The following DPP10 variants were observed in gnomAD, a reference collection of about 807,000 sequenced individuals.
DPP10 encodes the protein inactive dipeptidyl peptidase 10.
In DPP10, 33 loss-of-function variants were observed where a neutral mutation model predicts 120.9. That is an observed-to-expected ratio of 0.27 (90% CI 0.21 to 0.37). The LOEUF is 0.37. Ranked by LOEUF, DPP10 falls within the 10% of genes least tolerant of loss-of-function variation. DPP10 has a pLI of 1.00. For missense variants in DPP10, 816 were observed against 942.8 expected (o/e 0.87, Z 1.76); for synonymous variants, 337 against 326.1 (o/e 1.03, Z -0.36).
chr2:114,564,516 A>T (rs1368790819), intron 1 of DPP10, among the ~76,000 whole-genome samples: 1 of 152,182 alleles, frequency 6.6e-6, no homozygotes, highest in South Asian at 2.1e-4. Flanking sequence ...ATATTCCATG[A>T]TATAAGGTAC....
In DPP10 at chr2:114,929,735, G is replaced by T. The variant is rs112596140; in HGVS notation, c.61-379504G>T. ...CGCAATCATCACAGGGTCCTGAGGCGACATACATCTTCAGCTTACGAAGAT... is the reference window on the plus strand; with the variant it reads ...CGCAATCATCACAGGGTCCTGAGGCTACATACATCTTCAGCTTACGAAGAT... On this transcript the variant is annotated intron_variant, in intron 1 of 25. Transcript: ENST00000410059. 3.3e-5 allele frequency among the ~76,000 whole-genome samples: 5 copies of T among 152,156 alleles called. No homozygotes were observed. The East Asian group carries it at 9.7e-4, about 29-fold the overall frequency.
chr2:115,661,489 T>C (rs917866519), intron 5 of DPP10, among the ~76,000 whole-genome samples: 1 of 152,206 alleles, frequency 6.6e-6, no homozygotes, highest in African/African-American at 2.4e-5. Flanking sequence ...GATATTTTGT[T>C]TTCGCTGGCA....
At chr2:115,256,223 G>A (rs896563009) in intron 1 of DPP10, among the ~76,000 whole-genome samples, 2 of 152,096 alleles carry the variant, frequency 1.3e-5, no homozygotes, top group Admixed American at 1.3e-4. Flanking sequence ...GAAGTGCCAA[G>A]CAAAAGGGGG....
At chr2:114,522,174 C>T (rs527875891) in intron 1 of DPP10, among the ~76,000 whole-genome samples, 42 of 150,872 alleles carry the variant, frequency 2.8e-4, no homozygotes, top group East Asian at 2.2e-3. Flanking sequence ...TTAGTAGAGA[C>T]GGGGTTTCAC....
intron 1 of DPP10, among the ~76,000 whole-genome samples, chr2:114,936,353 G>A (rs1696465671): frequency 6.6e-6 from 1 of 150,970 alleles, no homozygotes; most frequent in Non-Finnish European, 1.5e-5. Flanking sequence ...GTTCGATAGT[G>A]TATATATATA....
At position 114,903,811 on chromosome 2, in the gene DPP10, T is replaced by C. The variant is rs895272950; in HGVS notation, c.61-405428T>C. On this transcript the variant is annotated intron_variant, in intron 1 of 25. Coordinates refer to ENST00000410059, the MANE Select transcript of DPP10 (RefSeq NM_020868.6). Reference sequence around the variant, plus strand: ...AGGGGAGAAAGAGTGTATCTCTCCATGCACATACATCAAGGAAAAGCTGTG... The same window carrying C: ...AGGGGAGAAAGAGTGTATCTCTCCACGCACATACATCAAGGAAAAGCTGTG... Among the ~76,000 whole-genome samples the C allele has an allele frequency of 9.8e-5, 15 of 152,322 alleles. No individual in the cohort carries two copies. The East Asian group carries it at 1.2e-3, about 12-fold the overall frequency.
chr2:114,805,574 C>T (rs1684653852), intron 1 of DPP10, among the ~76,000 whole-genome samples: 1 of 152,222 alleles, frequency 6.6e-6, no homozygotes, highest in African/African-American at 2.4e-5. Flanking sequence ...CATATATCAA[C>T]TAGGTCTGGC....
intron 1 of DPP10, among the ~76,000 whole-genome samples, chr2:114,489,751 AG>A (rs761449406): frequency 2.8e-4 from 43 of 152,182 alleles, no homozygotes; most frequent in Non-Finnish European, 5.4e-4. Flanking sequence ...ATACATAACA[AG>A]TGATTATATT....
chr2:115,306,922 T>C (rs572508252), intron 1 of DPP10, among the ~76,000 whole-genome samples: 3 of 152,242 alleles, frequency 2.0e-5, no homozygotes, highest in African/African-American at 7.2e-5. Context: ...CAGTTATGTA[T>C]GGGTCCAAAT....
At chr2:115,592,854 C>G (rs1011195004) in intron 5 of DPP10, among the ~76,000 whole-genome samples, 1 of 152,086 alleles carries the variant, frequency 6.6e-6, no homozygotes, top group Non-Finnish European at 1.5e-5. Flanking sequence ...AAATTTTTCC[C>G]CAAAAAAGAT....
At chr2:115,411,566 A>C (rs2068961053) in intron 3 of DPP10, among the ~76,000 whole-genome samples, 1 of 152,186 alleles carries the variant, frequency 6.6e-6, no homozygotes, top group South Asian at 2.1e-4. Context: ...TTCTTTTATG[A>C]GAGAGTTTCA....
At chr2:115,155,154 T>C (rs78333440) in intron 1 of DPP10, among the ~76,000 whole-genome samples, 5,219 of 152,142 alleles carry the variant, frequency 0.034, 97 homozygotes, top group African/African-American at 0.04. Context: ...ATGATCCACT[T>C]GCCTTGACCT....
intron 1 of DPP10, among the ~76,000 whole-genome samples, chr2:114,465,647 T>C (rs1679302617): frequency 6.6e-6 from 1 of 152,234 alleles, no homozygotes; most frequent in Admixed American, 6.5e-5. Flanking sequence ...TGATTGAATA[T>C]AAAAACAATT....
intron 1 of DPP10, among the ~76,000 whole-genome samples, chr2:115,291,017 T>C (rs1159286415): frequency 3.3e-5 from 5 of 152,082 alleles, no homozygotes; most frequent in African/African-American, 9.7e-5. Context: ...GTTTATTATT[T>C]TTCTGAGGCA....
intron 1 of DPP10, among the ~76,000 whole-genome samples, chr2:114,519,298 G>A (rs895745171): frequency 6.6e-6 from 1 of 152,138 alleles, no homozygotes; most frequent in Non-Finnish European, 1.5e-5. Context: ...ACTTAATCCA[G>A]GCCTCACCCC....
At chr2:114,597,570 A>G (rs1290877658) in intron 1 of DPP10, among the ~76,000 whole-genome samples, 1 of 152,012 alleles carries the variant, frequency 6.6e-6, no homozygotes, top group African/African-American at 2.4e-5. Context: ...TTAAAATGGT[A>G]AAGATCTTCC....
intron 3 of DPP10, among the ~76,000 whole-genome samples, chr2:115,463,436 G>T (rs1028658822): frequency 6.6e-6 from 1 of 152,156 alleles, no homozygotes; most frequent in African/African-American, 2.4e-5. Context: ...TTGAAGGAAA[G>T]GTTTCTGAGG....
At chr2:114,641,249 C>G (rs994878021) in intron 1 of DPP10, among the ~76,000 whole-genome samples, 1 of 151,986 alleles carries the variant, frequency 6.6e-6, no homozygotes, top group Non-Finnish European at 1.5e-5. Context: ...TATATAGTTA[C>G]TATGTTATCA....
chr2:115,226,262 A>G (rs903091864), intron 1 of DPP10, among the ~76,000 whole-genome samples: 1 of 152,114 alleles, frequency 6.6e-6, no homozygotes, highest in African/African-American at 2.4e-5. Flanking sequence ...TATGTTCTTT[A>G]TTAAGAAACT....
Sources: allele counts gnomAD v4.1 joint callset (sites outside exome capture counted in the v4.1 genomes callset), GRCh38; gene constraint gnomAD v4.1.1; transcripts MANE v1.5; gene names NCBI Gene and HGNC (gene_info 2026-07-23, HGNC 2026-07-21).